GOLM2: variants seen among roughly 807,000 people sequenced by gnomAD.
The protein encoded by GOLM2 is protein GOLM2.
Under a neutral mutation model 55.9 loss-of-function variants are expected in GOLM2, and 26 were observed. The ratio of observed to expected loss-of-function variants is 0.47; its 90% CI spans 0.34 to 0.65. The LOEUF is 0.65. GOLM2 is among the 30% of genes least tolerant of loss of function. The pLI is 0.01. For synonymous variants in GOLM2, 165 were observed against 194.6 expected (o/e 0.85, Z 1.27); for missense variants, 486 against 531.8 (o/e 0.91, Z 0.85).
chr15:44,326,487 G>A (rs886516675), intron 2 of GOLM2, among the ~76,000 whole-genome samples: 12 of 151,406 alleles, frequency 7.9e-5, no homozygotes, highest in African/African-American at 2.9e-4. Flanking sequence ...ATAAAATTTA[G>A]AAAGTGTAGA....
At position 44,360,706 on chromosome 15, in the gene GOLM2, A is replaced by C. The variant is rs1260803879; in HGVS notation, c.803-18984A>C. Reference sequence around the variant, plus strand: ...CTCAGCTCTGCACCAAGTGGACCTAATAGACATCTACAGAACTCTCCACCC... The same window carrying C: ...CTCAGCTCTGCACCAAGTGGACCTACTAGACATCTACAGAACTCTCCACCC... On this transcript the variant is annotated intron_variant, in intron 6 of 9. Coordinates refer to ENST00000299957, the MANE Select transcript of GOLM2 (RefSeq NM_138423.4). Among the ~76,000 whole-genome samples, 3 of 152,290 alleles carry C rather than the reference A, an allele frequency of 2.0e-5. No homozygotes were observed. In the East Asian group the frequency reaches 5.8e-4, roughly 29 times the overall value.
intron 1 of GOLM2, among the ~76,000 whole-genome samples, chr15:44,309,287 T>A (rs913347883): frequency 3.3e-5 from 5 of 152,152 alleles, no homozygotes; most frequent in African/African-American, 1.2e-4. Context: ...TGAGCATATA[T>A]TTAAAGGAAG....
chr15:44,337,991 A>G, intron 5 of GOLM2, 84 bp downstream of exon 5: 1 of 1,325,144 alleles, frequency 7.5e-7, no homozygotes, highest in Non-Finnish European at 1.0e-6. Flanking sequence ...TTTCAATCAT[A>G]AAGAAAATTG....
At chr15:44,334,118 A>T (rs1595631803) in intron 4 of GOLM2, among the ~76,000 whole-genome samples, 1 of 152,050 alleles carries the variant, frequency 6.6e-6, no homozygotes, top group East Asian at 1.9e-4. Context: ...TTTTTATGTT[A>T]TTAATTAACT....
At chr15:44,406,418 T>G (rs936922859) in intron 9 of GOLM2, 2 of 152,004 alleles carry the variant, frequency 1.3e-5, no homozygotes, top group Admixed American at 1.3e-4. Context: ...AAAAAAACAT[T>G]AGTCTAGAAT....
chr15:44,413,660 A>G lies in GOLM2; in HGVS notation c.*254A>G. 1 of 374,608 alleles carries G rather than the reference A, an allele frequency of 2.7e-6. No individual in the cohort carries two copies. The highest frequency in any genetic ancestry group is 4.8e-5 in the South Asian group (1 of 20,858). 23.2% of individuals were successfully genotyped at this position (374,608 alleles called of 1,614,324 possible). A position where few individuals can be genotyped will look rare whatever the true frequency, so the allele number is the denominator to read the frequency against. ...AACAGCTAATCTTTGCATCTAAAGC[A>G]AACTAATGTATATTTCACATTTTAT... On this transcript the variant is annotated 3_prime_UTR_variant, in exon 10 of 10. Coordinates refer to ENST00000299957, the MANE Select transcript of GOLM2 (RefSeq NM_138423.4).
chr15:44,295,385 A>T (rs537611205), intron 1 of GOLM2, among the ~76,000 whole-genome samples: 2 of 152,138 alleles, frequency 1.3e-5, no homozygotes, highest in Admixed American at 6.5e-5. Flanking sequence ...GGCCTTGAAC[A>T]TGGAAATTCT....
chr15:44,294,250 C>A (rs539537397), intron 1 of GOLM2, among the ~76,000 whole-genome samples: 19 of 152,312 alleles, frequency 1.2e-4, no homozygotes, highest in African/African-American at 4.3e-4. Context: ...CTCCAAGGAA[C>A]CTTGGTTCCT....
chr15:44,332,061 T>C lies in GOLM2; in HGVS notation c.559T>C (p.Phe187Leu). Residue 187 changes from phenylalanine (F) to leucine (L), a missense_variant, in exon 4 of 10, where the codon TTT becomes CTT. Coordinates refer to ENST00000299957, the MANE Select transcript of GOLM2 (RefSeq NM_138423.4). ...AAATATTAAAAAGTTAGCAGACCAG[T>C]TTTTAGAGGAACAAAAGGTAAATTT... ...EENIKKLADQFLEEQKQETQK... is the reference protein window; with the variant it reads ...EENIKKLADQLLEEQKQETQK... 1 of 1,577,624 alleles carries C rather than the reference T, an allele frequency of 6.3e-7. No homozygotes were observed. The highest frequency in any genetic ancestry group is 1.2e-5 in the South Asian group (1 of 86,196).
At position 44,338,300 on chromosome 15, in the gene GOLM2, T is replaced by G. The variant is rs371987081; in HGVS notation, c.785T>G (p.Val262Gly). 97 of 1,613,368 alleles carry G rather than the reference T, an allele frequency of 6.0e-5. No homozygotes were observed. In the Middle Eastern group the frequency reaches 9.9e-4, roughly 16 times the overall value. ...PGIEENDLAK[V>G]DDLPPALRKP... ...ATAGAAGAGAATGACCTAGCAAAAG[T>G]TGATGATCTTCCCCCTGGTAAGTAA... Residue 262 changes from valine (V) to glycine (G), a missense_variant, in exon 6 of 10, where the codon GTT becomes GGT. Coordinates refer to ENST00000299957, the MANE Select transcript of GOLM2 (RefSeq NM_138423.4).
rs147693048 is a variant in GOLM2, at chr15:44,373,099, A to T, written c.803-6591A>T. Among the ~76,000 whole-genome samples the T allele has an allele frequency of 3.3e-5, 5 of 152,364 alleles. No individual in the cohort carries two copies. In the East Asian group the frequency reaches 9.6e-4, roughly 29 times the overall value. On this transcript the variant is annotated intron_variant, in intron 6 of 9. Coordinates refer to ENST00000299957, the MANE Select transcript of GOLM2 (RefSeq NM_138423.4). ...ATTTATTCTTATCTCCCCAACAAGA[A>T]TGTAAGCTTCATAGGACAATAACTT... is the stretch of plus-strand genomic sequence containing the variant.
chr15:44,326,690 T>G (rs1255833505), intron 2 of GOLM2, among the ~76,000 whole-genome samples: 9 of 150,800 alleles, frequency 6.0e-5, no homozygotes, highest in African/African-American at 1.7e-4. Context: ...CTCGCTCTGT[T>G]GTCCAGGCTG....
intron 6 of GOLM2, among the ~76,000 whole-genome samples, chr15:44,349,739 A>G (rs1400432010): frequency 3.3e-5 from 5 of 152,234 alleles, no homozygotes; most frequent in Non-Finnish European, 5.9e-5. Context: ...GCCATATGTT[A>G]GACCACCAAA....
At chr15:44,387,114 G>A (rs1012933015) in intron 8 of GOLM2, among the ~76,000 whole-genome samples, 20 of 151,356 alleles carry the variant, frequency 1.3e-4, no homozygotes, top group Non-Finnish European at 2.1e-4. Context: ...GGCAGAGGCT[G>A]CAGGGAGCTG....
chr15:44,323,785 C>T (rs2078966109), intron 2 of GOLM2, among the ~76,000 whole-genome samples: 1 of 152,102 alleles, frequency 6.6e-6, no homozygotes, highest in African/African-American at 2.4e-5. Context: ...TCCTTTTGAG[C>T]CTCTTTGGAT....
At chr15:44,350,430 T>C (rs1474143089) in intron 6 of GOLM2, among the ~76,000 whole-genome samples, 6 of 152,102 alleles carry the variant, frequency 3.9e-5, no homozygotes, top group South Asian at 2.1e-4. Context: ...CATGAGGTAA[T>C]ATAAAACTTG....
At chr15:44,303,381 A>G (rs2078813007) in intron 1 of GOLM2, among the ~76,000 whole-genome samples, 1 of 152,156 alleles carries the variant, frequency 6.6e-6, no homozygotes, top group African/African-American at 2.4e-5. Context: ...TCTTTCTAGT[A>G]TACATAGAAT....
In GOLM2 at chr15:44,363,351, AAAAC is replaced by A. The variant is rs991754968; in HGVS notation, c.803-16332_803-16329del. ...TGAACTCAAACAAATTTACAAGAAA[AAAAC>A]AAACAACCCCATCAAAAAGTGGGCG... On this transcript the variant is annotated intron_variant, in intron 6 of 9. Transcript: ENST00000299957. 4.8e-3 allele frequency among the ~76,000 whole-genome samples: 737 copies of A among 152,314 alleles called. 8 individuals carry two copies. The highest frequency in any genetic ancestry group is 5.7e-3 in the Non-Finnish European group (386 of 68,022).
intron 6 of GOLM2, among the ~76,000 whole-genome samples, chr15:44,362,832 T>C (rs895880662): frequency 7.3e-4 from 111 of 152,310 alleles, no homozygotes; most frequent in African/African-American, 2.4e-3. Context: ...ATGGTACTGA[T>C]ACCAAAACAG....
Sources: allele counts gnomAD v4.1 joint callset (sites outside exome capture counted in the v4.1 genomes callset), GRCh38; gene constraint gnomAD v4.1.1; transcripts MANE v1.5; gene names NCBI Gene and HGNC (gene_info 2026-07-23, HGNC 2026-07-21).